SENP6: variants seen among roughly 807,000 people sequenced by gnomAD.
SENP6 encodes sentrin-specific protease 6.
SENP6 carries 41 observed loss-of-function variants against 134.5 expected under a neutral mutation model. The ratio of observed to expected loss-of-function variants is 0.30; its 90% CI spans 0.24 to 0.40. The LOEUF (loss-of-function observed/expected upper bound fraction) is 0.40, where lower values mean the gene tolerates loss of function less well. Ranked by LOEUF, SENP6 falls within the 10% of genes least tolerant of loss-of-function variation. SENP6 has a pLI of 1.00. For synonymous variants in SENP6, 395 were observed against 429.8 expected, an observed-to-expected ratio of 0.92 and a Z score of 1.00; for missense variants, 1,248 against 1,312.5, an observed-to-expected ratio of 0.95 and a Z score of 0.76.
chr6:75,667,500 A>G (rs550153791), intron 10 of SENP6, among the ~76,000 whole-genome samples: 8 of 152,326 alleles, frequency 5.3e-5, no homozygotes, highest in African/African-American at 1.9e-4. Flanking sequence ...AAACTACCAC[A>G]TGAAAAGTGC....
intron 6 of SENP6, among the ~76,000 whole-genome samples, chr6:75,641,702 G>T (rs1770041107): frequency 6.6e-6 from 1 of 152,130 alleles, no homozygotes; most frequent in Admixed American, 6.5e-5. Context: ...GCTGGACTGG[G>T]CAAGGTGGCT....
At chr6:75,615,081 G>A (rs1048869489) in intron 1 of SENP6, among the ~76,000 whole-genome samples, 152 of 152,206 alleles carry the variant, frequency 1.0e-3, no homozygotes, top group Middle Eastern at 6.8e-3. Context: ...AGTAGAAACA[G>A]GGTTTCACCA....
At chr6:75,680,865 C>T (rs1002304972) in intron 16 of SENP6, among the ~76,000 whole-genome samples, 3 of 152,162 alleles carry the variant, frequency 2.0e-5, no homozygotes, top group African/African-American at 7.2e-5. Context: ...TAACACCCTA[C>T]TACCCACTGG....
In SENP6 at chr6:75,641,753, G is replaced by C. The variant is rs553443844; in HGVS notation, c.479+1049G>C. ...AGTACTTTGGGAGGGCAAAGCGGGAGTATCTCTTGAGCCCAGGAGTTCCAG... is the reference window on the plus strand; with the variant it reads ...AGTACTTTGGGAGGGCAAAGCGGGACTATCTCTTGAGCCCAGGAGTTCCAG... On this transcript the variant is annotated intron_variant, in intron 6 of 23. Transcript: ENST00000447266. Among the ~76,000 whole-genome samples the C allele has an allele frequency of 1.8e-4, 28 of 152,246 alleles. 1 individual carries two copies. The Middle Eastern group carries it at 0.014, about 74-fold the overall frequency.
At chr6:75,691,532 C>T (rs995424934) in intron 16 of SENP6, among the ~76,000 whole-genome samples, 1 of 152,124 alleles carries the variant, frequency 6.6e-6, no homozygotes, top group East Asian at 1.9e-4. Context: ...AATTGGTGCA[C>T]CCAAATGGAA....
rs1775144026 is a variant in SENP6 at position 75,702,991 on chromosome 6, T to C, written c.2635T>C (p.Ser879Pro). Residue 879 changes from serine (S) to proline (P), a missense_variant, in exon 19 of 24, where the codon TCT becomes CCT. By Grantham distance (74) the Ser-to-Pro change is moderately conservative. Transcript: ENST00000447266. ...AAATGAAGAATTCAATAAAGGAGAATCTACATCCCAGAAAGTTGCTGATAG... is the reference window on the plus strand; with the variant it reads ...AAATGAAGAATTCAATAAAGGAGAACCTACATCCCAGAAAGTTGCTGATAG... ...SENEEFNKGE[S>P]TSQKVADRTK... 2 of 1,613,786 alleles carry C rather than the reference T, an allele frequency of 1.2e-6. No individual in the cohort carries two copies. The highest frequency in any genetic ancestry group is 1.3e-5 in the African/African-American group (1 of 74,896).
chr6:75,615,691 A>C (rs1172060931), intron 1 of SENP6, among the ~76,000 whole-genome samples: 1 of 152,176 alleles, frequency 6.6e-6, no homozygotes, highest in Non-Finnish European at 1.5e-5. Context: ...GTCACTGTCA[A>C]GTTTAGGATC....
intron 12 of SENP6, 131 bp from the exon 13 acceptor site, chr6:75,675,729 A>G (rs1366828189): frequency 1.1e-6 from 1 of 920,096 alleles, no homozygotes; most frequent in Non-Finnish European, 1.7e-6. Flanking sequence ...ATTACCCACA[A>G]GAGTAATGAT....
chr6:75,614,422 C>T (rs1244553827), intron 1 of SENP6, among the ~76,000 whole-genome samples: 4 of 151,866 alleles, frequency 2.6e-5, no homozygotes, highest in Non-Finnish European at 5.9e-5. Flanking sequence ...TGCACCACCA[C>T]GCCAGGCAAA....
At position 75,602,584 on chromosome 6, in the gene SENP6, T is replaced by C; in HGVS notation, c.52+8T>C. On this transcript the variant is annotated splice_region_variant and intron_variant, in intron 1 of 23. Transcript: ENST00000447266. Reference sequence around the variant, plus strand: ...AGATTACTTTTCTGGAAGGTACGTCTGTTTCTGCCCTTGACGGGGAGAAGG... The same window carrying C: ...AGATTACTTTTCTGGAAGGTACGTCCGTTTCTGCCCTTGACGGGGAGAAGG... The C allele has an allele frequency of 1.3e-6, 2 of 1,551,278 alleles. No individual in the cohort carries two copies. The highest frequency in any genetic ancestry group is 1.7e-6 in the Non-Finnish European group (2 of 1,146,738).
At chr6:75,676,894 A>G (rs1773119159) in intron 13 of SENP6, 136 bp from the exon 14 acceptor site, 2 of 587,846 alleles carry the variant, frequency 3.4e-6, no homozygotes, top group South Asian at 4.5e-5. Flanking sequence ...TATCCACTGT[A>G]TGTCAGACAT....
rs1262447297 is a variant in SENP6 at position 75,658,248 on chromosome 6, T to C, written c.551-1014T>C. 2.0e-5 allele frequency among the ~76,000 whole-genome samples: 3 copies of C among 152,166 alleles called. No individual in the cohort carries two copies. In the East Asian group the frequency reaches 5.8e-4, roughly 29 times the overall value. Reference sequence around the variant, plus strand: ...CAAACAATGAGAGGGTGATGATCACTTAGTGAAACTTTGTGATTGCACTAA... The same window carrying C: ...CAAACAATGAGAGGGTGATGATCACCTAGTGAAACTTTGTGATTGCACTAA... On this transcript the variant is annotated intron_variant, in intron 7 of 23. Transcript: ENST00000447266.
At chr6:75,633,815 C>T in intron 4 of SENP6, 89 bp downstream of exon 4, 2 of 1,134,104 alleles carry the variant, frequency 1.8e-6, no homozygotes, top group East Asian at 5.5e-5. Context: ...CCAACCTGTA[C>T]CTTTTCTTCT....
At chr6:75,690,689 TTTG>T (rs893223631) in intron 16 of SENP6, among the ~76,000 whole-genome samples, 5 of 134,492 alleles carry the variant, frequency 3.7e-5, no homozygotes, top group African/African-American at 1.1e-4. Context: ...TTTTGGTTTT[TTTG>T]TTTTTTGTTT....
At chr6:75,713,654 A>G in intron 22 of SENP6, 21 bp from the exon 23 acceptor site, 1 of 1,594,260 alleles carries the variant, frequency 6.3e-7, no homozygotes, top group Non-Finnish European at 8.6e-7. Flanking sequence ...GTGTATTCTT[A>G]ATATATATGA....
In SENP6 at chr6:75,663,377, A is replaced by G. The variant is rs756653593; in HGVS notation, c.853A>G (p.Ile285Val). 3.1e-6 allele frequency: 5 copies of G among 1,613,872 alleles called. No homozygotes were observed. The highest frequency in any genetic ancestry group is 4.5e-5 in the East Asian group (2 of 44,794). ...TGGCAACAATGTGGAAAAGGTTCCA[A>G]TTGATATTATTGTGAATTGTGATGA... The part of the protein sequence containing the change: ...FYGNNVEKVP[I>V]DIIVNCDDSK... Residue 285 changes from isoleucine to valine, a missense_variant, in exon 9 of 24, where the codon ATT becomes GTT. By Grantham distance (29) the Ile-to-Val change is conservative. Around this residue, in one of 3 missense-constraint regions of SENP6, gnomAD observed 733 missense variants for 725.4 expected, o/e 1.01. Transcript: ENST00000447266.
At chr6:75,698,461 C>A (rs1196501103) in intron 18 of SENP6, among the ~76,000 whole-genome samples, 1 of 151,788 alleles carries the variant, frequency 6.6e-6, no homozygotes, top group South Asian at 2.1e-4. Flanking sequence ...TTGTTTATGT[C>A]TAATAAGCCT....
In SENP6 at chr6:75,677,284, T is replaced by C. The variant is rs769774947; in HGVS notation, c.1848+28T>C. On this transcript the variant is annotated intron_variant, in intron 14 of 23. Coordinates refer to ENST00000447266, the MANE Select transcript of SENP6 (RefSeq NM_015571.4). ...AATTATGTTTTTTAATTTAAAAATATTCTTAAATTGTGGGTAGTTTTAAAG... is the reference window on the plus strand; with the variant it reads ...AATTATGTTTTTTAATTTAAAAATACTCTTAAATTGTGGGTAGTTTTAAAG... 8 of 1,420,372 alleles carry C rather than the reference T, an allele frequency of 5.6e-6. No individual in the cohort carries two copies. The Admixed American group carries it at 1.3e-4, about 23-fold the overall frequency. The allele number at this position is 1,420,372 out of a possible 1,614,324, so 88.0% of individuals were successfully genotyped here.
At chr6:75,637,545 A>G (rs896176865) in intron 5 of SENP6, among the ~76,000 whole-genome samples, 1 of 152,200 alleles carries the variant, frequency 6.6e-6, no homozygotes, top group Non-Finnish European at 1.5e-5. Context: ...TCTGTAGTTC[A>G]TACCATCCCT....
Sources: allele counts gnomAD v4.1 joint callset (sites outside exome capture counted in the v4.1 genomes callset), GRCh38; gene constraint gnomAD v4.1.1; regional missense constraint gnomAD v4.1.1; transcripts MANE v1.5; gene names NCBI Gene and HGNC (gene_info 2026-07-23, HGNC 2026-07-21).